ADCY1: variants seen among roughly 807,000 people sequenced by gnomAD.
ADCY1 encodes adenylate cyclase 1.
In ADCY1, 28 loss-of-function variants were observed where a neutral mutation model predicts 105.4. That is an observed-to-expected ratio of 0.27 (90% CI 0.20 to 0.36). ADCY1 has a LOEUF of 0.36. Among genes scored for constraint, ADCY1 ranks in the 10% least tolerant of loss-of-function variants. ADCY1 has a pLI of 1.00. For missense variants in ADCY1, 977 were observed against 1,434.2 expected (o/e 0.68, Z 5.15); for synonymous variants, 655 against 623.8 (o/e 1.05, Z -0.75).
In ADCY1 at chr7:45,693,370, C is replaced by G. The variant is rs560785543; in HGVS notation, c.2454+6697C>G. 2.1e-4 allele frequency among the ~76,000 whole-genome samples: 30 copies of G among 143,260 alleles called. No homozygotes were observed. The South Asian group carries it at 7.5e-3, about 36-fold the overall frequency. 94.0% of individuals were successfully genotyped at this position (143,260 alleles called of 152,430 possible). On this transcript the variant is annotated intron_variant, in intron 14 of 19. Coordinates refer to ENST00000297323, the MANE Select transcript of ADCY1 (RefSeq NM_021116.4). Reference sequence around the variant, plus strand: ...TCATAAAATGAGTTAGGGAGGATTCCCTCTTTTTCTATTGATTGGAATACT... The same window carrying G: ...TCATAAAATGAGTTAGGGAGGATTCGCTCTTTTTCTATTGATTGGAATACT...
At chr7:45,685,147 A>G in intron 12 of ADCY1, 79 bp downstream of exon 12, 3 of 1,327,326 alleles carry the variant, frequency 2.3e-6, no homozygotes, top group Non-Finnish European at 3.3e-6. Context: ...GCCAGGACCC[A>G]GGGCTGCAGA....
Position 45,713,942 on chromosome 7 carries a change from C to T in ADCY1, c.3307C>T (p.Pro1103Ser), listed in dbSNP as rs1185518473. 2.6e-6 allele frequency: 2 copies of T among 780,332 alleles called. No individual in the cohort carries two copies. Among genetic ancestry groups the T allele is most frequent in the Non-Finnish European group, 4.8e-6 (2 of 418,132 alleles). The allele number at this position is 780,332 out of a possible 1,614,324, so 48.3% of individuals were successfully genotyped here. Reference protein sequence around the residue: ...PGVSVRAGLPPHSPGQYLPSA... With the variant: ...PGVSVRAGLPSHSPGQYLPSA... ...CGTCTCAGTCAGGGCTGGGCTCCCT[C>T]CACACTCCCCAGGCCAGTACCTGCC... is the stretch of plus-strand genomic sequence containing the variant. The change falls in exon 20 of 20, where the codon CCA (proline) becomes TCA (serine). Residue 1103 changes from proline (P) to serine (S), a missense_variant. By Grantham distance (74) the Pro-to-Ser change is moderately conservative. Around this residue, in one of 7 missense-constraint regions of ADCY1, gnomAD observed 78 missense variants for 60.0 expected, o/e 1.30. Coordinates refer to ENST00000297323, the MANE Select transcript of ADCY1 (RefSeq NM_021116.4).
intron 1 of ADCY1, among the ~76,000 whole-genome samples, chr7:45,584,431 C>T (rs1432687131): frequency 1.3e-5 from 2 of 152,164 alleles, no homozygotes; most frequent in Non-Finnish European, 2.9e-5. Flanking sequence ...ATGTCAGGCA[C>T]CCACTGTGGA....
rs980172676 is a variant in ADCY1, at chr7:45,641,665, G to A, written c.1021-7005G>A. Among the ~76,000 whole-genome samples the A allele has an allele frequency of 3.3e-5, 5 of 151,792 alleles. No homozygotes were observed. In the East Asian group the frequency reaches 7.8e-4, roughly 24 times the overall value. On this transcript the variant is annotated intron_variant, in intron 4 of 19. Transcript: ENST00000297323. ...TTTTCGGCCGGGCGCGGTGGCTCAC[G>A]CCTGTAATCCCAGCACTTTGGGAGG...
chr7:45,664,484 C>T (rs1230336494), intron 8 of ADCY1: 1 of 1,481,670 alleles, frequency 6.7e-7, no homozygotes. Flanking sequence ...TCTCTCAGCA[C>T]TCTCTCCTGA....
chr7:45,721,054 A>T lies in ADCY1; in HGVS notation c.*7059A>T, dbSNP rs1363854618. On this transcript the variant is annotated 3_prime_UTR_variant, in exon 20 of 20. Transcript: ENST00000297323. ...TTAGTGCCTCTTTGCTAACAGCAAC[A>T]TCTGCAAGATTTGTGTTGGTTTTGA... 4 of 152,178 alleles carry T rather than the reference A, an allele frequency of 2.6e-5. No individual in the cohort carries two copies. The highest frequency in any genetic ancestry group is 9.7e-5 in the African/African-American group (4 of 41,430). The allele number at this position is 152,178 out of a possible 1,614,324, so 9.4% of individuals were successfully genotyped here.
Position 45,703,855 on chromosome 7 carries a change from A to G in ADCY1, c.2718+109A>G. On this transcript the variant is annotated intron_variant, in intron 16 of 19. Transcript: ENST00000297323. This position sits in a 1 kb window ranked among gnomAD's most constrained non-coding sequence, Gnocchi z 5.9. ...TCACATTCTTCGTAGCTGGAATGAG[A>G]GAAAGCAAATCCCGGGAAGCACAGG... The G allele has an allele frequency of 4.2e-6, 6 of 1,431,906 alleles. No individual in the cohort carries two copies. Among genetic ancestry groups the G allele is most frequent in the Non-Finnish European group, 5.6e-6 (6 of 1,069,156 alleles). 88.7% of individuals were successfully genotyped at this position (1,431,906 alleles called of 1,614,324 possible).
intron 5 of ADCY1, among the ~76,000 whole-genome samples, chr7:45,655,549 A>G (rs1325154042): frequency 6.6e-6 from 1 of 152,252 alleles, no homozygotes; most frequent in Non-Finnish European, 1.5e-5. Context: ...CACTATGAGA[A>G]CAGTTCTGGG....
At chr7:45,587,299 G>A (rs1792760323) in intron 1 of ADCY1, among the ~76,000 whole-genome samples, 1 of 152,244 alleles carries the variant, frequency 6.6e-6, no homozygotes, top group Non-Finnish European at 1.5e-5. Flanking sequence ...ATGGCAGACA[G>A]GTCAGAGGTG....
At chr7:45,646,358 A>C (rs1410770091) in intron 4 of ADCY1, among the ~76,000 whole-genome samples, 2 of 152,164 alleles carry the variant, frequency 1.3e-5, no homozygotes, top group Non-Finnish European at 2.9e-5. Flanking sequence ...CTGGGCCCTG[A>C]GGGGCTGGCA....
intron 2 of ADCY1, among the ~76,000 whole-genome samples, chr7:45,603,978 C>T (rs1793312786): frequency 6.6e-6 from 1 of 152,080 alleles, no homozygotes; most frequent in African/African-American, 2.4e-5. Context: ...TTGGTAGTTT[C>T]CAGTTTTGGC....
chr7:45,627,342 G>C (rs1171744430), intron 4 of ADCY1, among the ~76,000 whole-genome samples: 1 of 152,154 alleles, frequency 6.6e-6, no homozygotes, highest in Non-Finnish European at 1.5e-5. Context: ...CTGGGCCTCT[G>C]ACCTTTCACC....
At chr7:45,631,970 G>A (rs772988169) in intron 4 of ADCY1, among the ~76,000 whole-genome samples, 1 of 152,100 alleles carries the variant, frequency 6.6e-6, no homozygotes, top group Middle Eastern at 3.2e-3. Context: ...AATACATTTG[G>A]AGTTAATTTT....
At chr7:45,656,849 A>G (rs998465757) in intron 5 of ADCY1, among the ~76,000 whole-genome samples, 1 of 152,192 alleles carries the variant, frequency 6.6e-6, no homozygotes. Context: ...TAGTATTTCC[A>G]TCCCGGATGG....
At chr7:45,577,749 CAG>C (rs1342149267) in intron 1 of ADCY1, among the ~76,000 whole-genome samples, 2 of 152,186 alleles carry the variant, frequency 1.3e-5, no homozygotes, top group Non-Finnish European at 2.9e-5. Flanking sequence ...GATGCTGCTT[CAG>C]AGTCTGAGAT....
rs768312403 is a variant in ADCY1 at position 45,704,501 on chromosome 7, T to C, written c.2719-17T>C. 6 of 1,609,230 alleles carry C rather than the reference T, an allele frequency of 3.7e-6. No homozygotes were observed. Among genetic ancestry groups the C allele is most frequent in the South Asian group, 1.1e-5 (1 of 90,790 alleles). On this transcript the variant is annotated splice_polypyrimidine_tract_variant and intron_variant, in intron 16 of 19. Coordinates refer to ENST00000297323, the MANE Select transcript of ADCY1 (RefSeq NM_021116.4). Reference sequence around the variant, plus strand: ...AAATGTTATGTCATGTTTAACAGTTTTATGTTTTAAACAAAGCTCATGGAA... The same window carrying C: ...AAATGTTATGTCATGTTTAACAGTTCTATGTTTTAAACAAAGCTCATGGAA...
At chr7:45,662,859 C>CAGAAGCCT (rs1554327021) in intron 8 of ADCY1, among the ~76,000 whole-genome samples, 1 of 152,204 alleles carries the variant, frequency 6.6e-6, no homozygotes, top group Admixed American at 6.5e-5. Flanking sequence ...AGGGCGAGCC[C>CAGAAGCCT]GGAAGCCTGG....
chr7:45,711,967 A>ATATATATATTAAATATATATTT (rs1785258797), intron 19 of ADCY1, among the ~76,000 whole-genome samples: 1 of 64,854 alleles, frequency 1.5e-5, no homozygotes, highest in Non-Finnish European at 3.4e-5. Context: ...AAATATATAA[A>ATATATATATTAAATATATATTT]TACATATTAT....
In ADCY1 at chr7:45,721,558, T is replaced by C. The variant is rs1420861827; in HGVS notation, c.*7563T>C. 1 of 397,524 alleles carries C rather than the reference T, an allele frequency of 2.5e-6. No individual in the cohort carries two copies. Among genetic ancestry groups the C allele is most frequent in the Admixed American group, 4.4e-5 (1 of 22,704 alleles). The allele number at this position is 397,524 out of a possible 1,614,324, so 24.6% of individuals were successfully genotyped here. ...CATTTCTTCCCTGCTCAGCTTCTGC[T>C]CAGGAGTTCTGTGAGCTATGGGAAG... On this transcript the variant is annotated 3_prime_UTR_variant, in exon 20 of 20. Coordinates refer to ENST00000297323, the MANE Select transcript of ADCY1 (RefSeq NM_021116.4).
Sources: gnomAD v4.1 joint callset for allele counts (sites outside exome capture counted in the v4.1 genomes callset) on GRCh38, gnomAD v4.1.1 for gene constraint, gnomAD v4.1.1 regional missense constraint, Gnocchi (gnomAD v3.1) non-coding constraint, MANE v1.5 for transcripts, NCBI Gene and HGNC (gene_info 2026-07-23, HGNC 2026-07-21) for gene names.